Variants in RRAGB observed in about 807,000 individuals in gnomAD.
RRAGB encodes the protein Ras related GTP binding B, also known as ras-related GTP-binding protein B.
In RRAGB, 6 loss-of-function variants were observed where a neutral mutation model predicts 29.3. The ratio of observed to expected loss-of-function variants is 0.21; its 90% CI spans 0.11 to 0.40. The LOEUF (loss-of-function observed/expected upper bound fraction) is 0.40, where lower values mean the gene tolerates loss of function less well. RRAGB is among the 10% of genes least tolerant of loss of function. The pLI is 1.00. For missense variants in RRAGB, 184 were observed against 272.9 expected, an observed-to-expected ratio of 0.67 and a Z score of 2.29; for synonymous variants, 101 against 92.5, an observed-to-expected ratio of 1.09 and a Z score of -0.53.
intron 5 of RRAGB, among the ~76,000 whole-genome samples, chrX:55,734,592 A>AT (rs907813400): frequency 9.0e-6 from 1 of 110,586 alleles, no homozygotes; most frequent in African/African-American, 3.3e-5. Flanking sequence ...TGACCATTGT[A>AT]TTTTTTTAAT....
intron 5 of RRAGB, among the ~76,000 whole-genome samples, chrX:55,739,068 A>C (rs1015333456): frequency 8.9e-6 from 1 of 112,777 alleles, no homozygotes; most frequent in Non-Finnish European, 1.9e-5. Context: ...CCCAACTCCC[A>C]CAGCTTTGAC....
At chrX:55,751,043 TA>T (rs756965469) in intron 5 of RRAGB, 57 bp from the exon 6 acceptor site, 89 of 682,694 alleles carry the variant, frequency 1.3e-4, no homozygotes, top group Middle Eastern at 1.2e-3. Flanking sequence ...AACTACATCT[TA>T]GCTTGAAAGA....
intron 4 of RRAGB, among the ~76,000 whole-genome samples, chrX:55,730,914 A>G (rs1385095589): frequency 9.0e-6 from 1 of 110,637 alleles, no homozygotes; most frequent in Non-Finnish European, 1.9e-5. Context: ...CTGTGAGGAA[A>G]TATGGATTGA....
At chrX:55,756,803 C>T (rs919991810) in intron 8 of RRAGB, among the ~76,000 whole-genome samples, 1 of 111,278 alleles carries the variant, frequency 9.0e-6, no homozygotes, top group Non-Finnish European at 1.9e-5. Flanking sequence ...GTTTCAAGTG[C>T]TTTAGCCAGA....
At chrX:55,719,416 A>G in intron 2 of RRAGB, 69 bp downstream of exon 2, 1 of 775,617 alleles carries the variant, frequency 1.3e-6, no homozygotes, top group Non-Finnish European at 1.8e-6. Flanking sequence ...GAACTTTGTG[A>G]CATATATACA....
intron 2 of RRAGB, among the ~76,000 whole-genome samples, chrX:55,721,359 A>G (rs775700136): frequency 1.8e-5 from 2 of 112,404 alleles, no homozygotes; most frequent in South Asian, 7.4e-4. Flanking sequence ...AGCCTAGAGC[A>G]TTAGACTCAG....
chrX:55,732,828 C>T (rs750732857), intron 5 of RRAGB, among the ~76,000 whole-genome samples: 6 of 111,591 alleles, frequency 5.4e-5, no homozygotes, highest in East Asian at 5.6e-4. Flanking sequence ...GTTTTATTCT[C>T]GTTTCCTTTA....
intron 5 of RRAGB, among the ~76,000 whole-genome samples, chrX:55,737,724 T>C (rs985350309): frequency 2.7e-5 from 3 of 112,856 alleles, no homozygotes; most frequent in African/African-American, 9.7e-5. Context: ...CAAATCCTGC[T>C]GCGCATCTGG....
chrX:55,731,709 A>G (rs1284355377), intron 5 of RRAGB, 123 bp downstream of exon 5: 18 of 464,738 alleles, frequency 3.9e-5, no homozygotes, highest in Non-Finnish European at 5.0e-5. Context: ...TTTTGAAAGT[A>G]AAGTTTTGTC....
intron 3 of RRAGB, among the ~76,000 whole-genome samples, chrX:55,725,641 C>T (rs2033449904): frequency 9.0e-6 from 1 of 111,520 alleles, no homozygotes; most frequent in South Asian, 3.7e-4. Context: ...AGTAAGAATA[C>T]ATGATGGTGA....
Position 55,718,162 on chromosome X carries a change from G to T in RRAGB, c.-166G>T. The stretch of plus-strand genomic sequence containing the variant: ...AGAGATAAAGGTAACCGTGGGGAAA[G>T]CGGCCCCCCAGTGGACAAAGGCGGA... On this transcript the variant is annotated 5_prime_UTR_variant, in exon 1 of 10. Coordinates refer to ENST00000374941, the MANE Select transcript of RRAGB (RefSeq NM_006064.5). The T allele has an allele frequency of 2.9e-6, 1 of 342,617 alleles. No individual in the cohort carries two copies. 28.2% of individuals were successfully genotyped at this position (342,617 alleles called of 1,213,427 possible).
At chrX:55,739,292 C>G (rs1157537892) in intron 5 of RRAGB, among the ~76,000 whole-genome samples, 1 of 112,440 alleles carries the variant, frequency 8.9e-6, no homozygotes, top group East Asian at 2.8e-4. Context: ...CCACTTGCCC[C>G]TCAGTTCTGG....
chrX:55,757,617 C>T (rs1443048836), intron 9 of RRAGB, among the ~76,000 whole-genome samples: 2 of 111,867 alleles, frequency 1.8e-5, no homozygotes, highest in African/African-American at 6.5e-5. Flanking sequence ...AATTTAGCTT[C>T]TAGGGTATTA....
chrX:55,722,236 T>G lies in RRAGB; in HGVS notation c.177T>G (p.Ile59Met), dbSNP rs1217767003. The G allele has an allele frequency of 8.3e-7, 1 of 1,198,285 alleles. No individual in the cohort carries two copies. The highest frequency in any genetic ancestry group is 1.1e-6 in the Non-Finnish European group (1 of 885,487). The stretch of plus-strand genomic sequence containing the variant: ...CTGGTAAGACCAGCATGAGGTCTAT[T>G]ATCTTTGCAAATTATATTGCCAGAG... ...SGSGKTSMRSIIFANYIARDT... is the reference protein window; with the variant it reads ...SGSGKTSMRSMIFANYIARDT... The change falls in exon 3 of 10, where the codon ATT (isoleucine) becomes ATG (methionine). Residue 59 changes from isoleucine to methionine, a missense_variant. Coordinates refer to ENST00000374941, the MANE Select transcript of RRAGB (RefSeq NM_006064.5).
chrX:55,745,314 C>T (rs754643123), intron 5 of RRAGB, among the ~76,000 whole-genome samples: 53 of 112,672 alleles, frequency 4.7e-4, no homozygotes, highest in Non-Finnish European at 8.6e-4. Context: ...TGCAGCAGGA[C>T]AGTGAAGTGT....
At chrX:55,727,412 A>G in intron 3 of RRAGB, 1 of 675,329 alleles carries the variant, frequency 1.5e-6, no homozygotes, top group Non-Finnish European at 2.4e-6. Flanking sequence ...TTCCTTTTCC[A>G]AGGAGGGGGA....
intron 3 of RRAGB, chrX:55,727,538 C>T (rs765661960): frequency 1.3e-5 from 5 of 372,476 alleles, no homozygotes; most frequent in Non-Finnish European, 2.4e-5. Flanking sequence ...GCCCCGCCCC[C>T]CCGCTTTCTT....
chrX:55,719,447 C>A, intron 2 of RRAGB, 100 bp downstream of exon 2: 1 of 553,623 alleles, frequency 1.8e-6, no homozygotes, highest in Non-Finnish European at 2.7e-6. Flanking sequence ...TGGACTATTG[C>A]AGGAGCCTTC....
At chrX:55,741,289 C>T (rs1209124232) in intron 5 of RRAGB, among the ~76,000 whole-genome samples, 3 of 111,476 alleles carry the variant, frequency 2.7e-5, no homozygotes, top group Admixed American at 9.5e-5. Context: ...ACCATACGTT[C>T]GTTAGCAGTT....
Sources: allele counts gnomAD v4.1 joint callset (sites outside exome capture counted in the v4.1 genomes callset), GRCh38; gene constraint gnomAD v4.1.1; transcripts MANE v1.5; gene names NCBI Gene and HGNC (gene_info 2026-07-23, HGNC 2026-07-21).